EPHA1: variants seen among roughly 807,000 people sequenced by gnomAD.
EPHA1 encodes EPH receptor A1.
A neutral mutation model predicts 110.1 loss-of-function variants in EPHA1; 92 were observed. That is an observed-to-expected ratio of 0.84 (90% confidence interval 0.71 to 0.99). The LOEUF is 0.99. Ranked by LOEUF, EPHA1 falls within the 50% of genes least tolerant of loss-of-function variation. The pLI, the probability that EPHA1 is intolerant of heterozygous loss-of-function variation, is 0.00. For missense variants in EPHA1, 1,204 were observed against 1,285.4 expected, an observed-to-expected ratio of 0.94 and a Z score of 0.97; for synonymous variants, 500 against 516.1, an observed-to-expected ratio of 0.97 and a Z score of 0.42.
rs369040226 is a variant in EPHA1 at position 143,396,503 on chromosome 7, C to T, written c.1779G>A (p.Lys593=). 6.6e-5 allele frequency: 107 copies of T among 1,613,788 alleles called. No individual in the cohort carries two copies. In the Admixed American group the frequency reaches 1.8e-3, roughly 27 times the overall value. Residue 593 remains lysine (K), a synonymous_variant, in exon 11 of 18, where the codon AAG becomes AAA. Transcript: ENST00000275815. ...GGTCCACATAAGGCTTCAGCCACAGCTTGTCCTCTATGGGCAGAACATGAG... is the reference window on the plus strand; with the variant it reads ...GGTCCACATAAGGCTTCAGCCACAGTTTGTCCTCTATGGGCAGAACATGAG... ...DRATDVDRED[K]LWLKPYVDLQ...
intron 10 of EPHA1, chr7:143,396,724 A>C: frequency 1.8e-6 from 1 of 558,862 alleles, no homozygotes; most frequent in Non-Finnish European, 3.1e-6. Context: ...CTCACTCCAC[A>C]AGGTCCGGGG....
At position 143,400,020 on chromosome 7, in the gene EPHA1, T is replaced by C. The variant is rs1805376601; in HGVS notation, c.466A>G (p.Ile156Val). 2 of 1,612,568 alleles carry C rather than the reference T, an allele frequency of 1.2e-6. No individual in the cohort carries two copies. The highest frequency in any genetic ancestry group is 1.7e-6 in the Non-Finnish European group (2 of 1,179,048). The change falls in exon 4 of 18, where the codon ATT becomes GTT. Residue 156 changes from isoleucine to valine, a missense_variant. Coordinates refer to ENST00000275815, the MANE Select transcript of EPHA1 (RefSeq NM_005232.5). ...ACGGAGCCAGACACAAGGTCTCGAA[T>C]GGTGAAGCTCTGGTCTGCAGCCACC... ...TTVAADQSFTIRDLVSGSVKL... is the reference protein window; with the variant it reads ...TTVAADQSFTVRDLVSGSVKL...
rs774669374 is a variant in EPHA1, at chr7:143,393,694, C to A, written c.2673G>T (p.Arg891=). The A allele has an allele frequency of 1.9e-6, 3 of 1,613,732 alleles. No homozygotes were observed. Among genetic ancestry groups the A allele is most frequent in the Non-Finnish European group, 2.5e-6 (3 of 1,179,922 alleles). The part of the protein sequence containing the change: ...EQLLANPHSL[R]TIANFDPRMT... ...ACCTGGGGTCAAAGTTGGCAATGGT[C>A]CGCAGGGAGTGGGGGTTGGCAAGCA... The change falls in exon 16 of 18, where the codon CGG becomes CGT. Residue 891 remains arginine (R), a synonymous_variant. Transcript: ENST00000275815. This position sits in a 1 kb window ranked among gnomAD's most constrained non-coding sequence, Gnocchi z 5.6.
chr7:143,393,885 A>G lies in EPHA1; in HGVS notation c.2503-21T>C, dbSNP rs1805164395. The G allele has an allele frequency of 6.5e-7, 1 of 1,528,766 alleles. No individual in the cohort carries two copies. The highest frequency in any genetic ancestry group is 1.4e-5 in the African/African-American group (1 of 72,296). 94.7% of individuals were successfully genotyped at this position (1,528,766 alleles called of 1,614,324 possible). A position where few individuals can be genotyped will look rare whatever the true frequency, so the allele number is the denominator to read the frequency against. On this transcript the variant is annotated intron_variant, in intron 15 of 17. Coordinates refer to ENST00000275815, the MANE Select transcript of EPHA1 (RefSeq NM_005232.5). This position sits in a 1 kb window ranked among gnomAD's most constrained non-coding sequence, Gnocchi z 5.6. The stretch of plus-strand genomic sequence containing the variant: ...ATAACCTGCACGGCGGGACAGGAGG[A>G]TGCTCTAGAGTAGCAAGCTAACCTG...
At position 143,391,392 on chromosome 7, in the gene EPHA1, C is replaced by T. The variant is rs1460652372; in HGVS notation, c.*65G>A. 1 of 1,588,478 alleles carries T rather than the reference C, an allele frequency of 6.3e-7. No homozygotes were observed. Among genetic ancestry groups the T allele is most frequent in the East Asian group, 2.3e-5 (1 of 43,834 alleles). ...TGTGGGAAGGGGCGCAGGGAGTGAC[C>T]ATGAGCGACCTTGGCCCCGTCCTTG... On this transcript the variant is annotated 3_prime_UTR_variant, in exon 18 of 18. Transcript: ENST00000275815.
Position 143,393,663 on chromosome 7 carries a change from AT to A in EPHA1, c.2696+7del, listed in dbSNP as rs1805151962. ...CTGGGTTCCCTAGTCCTTCCCCTGC[AT>A]GGTTACCTGGGGTCAAAGTTGGCAA... is the stretch of plus-strand genomic sequence containing the variant. On this transcript the variant is annotated splice_region_variant and intron_variant, in intron 16 of 17. Coordinates refer to ENST00000275815, the MANE Select transcript of EPHA1 (RefSeq NM_005232.5). The surrounding 1 kb of genome is among the most constrained non-coding windows in gnomAD (Gnocchi z 5.6). The A allele has an allele frequency of 6.2e-7, 1 of 1,612,500 alleles. No individual in the cohort carries two copies. The highest frequency in any genetic ancestry group is 1.3e-5 in the African/African-American group (1 of 74,822).
intron 11 of EPHA1, 80 bp downstream of exon 11, chr7:143,396,305 G>T: frequency 6.5e-7 from 1 of 1,533,322 alleles, no homozygotes; most frequent in Non-Finnish European, 8.8e-7. Flanking sequence ...CCAGGGAAGC[G>T]CTGGAAGGAA....
At position 143,398,837 on chromosome 7, in the gene EPHA1, C is replaced by G. The variant is rs763667866; in HGVS notation, c.1100G>C (p.Ser367Thr). Residue 367 changes from serine (S) to threonine (T), a missense_variant, in exon 6 of 18, where the codon AGT (serine) becomes ACT (threonine). Transcript: ENST00000275815. ...GCCCTGACACTGGGAACACCTCACA[C>G]TGTATCTGACATCCTGGCGTCCCCC... Reference protein sequence around the residue: ...DTGGRQDVRYSVRCSQCQGTA... With the variant: ...DTGGRQDVRYTVRCSQCQGTA... The G allele has an allele frequency of 1.1e-5, 17 of 1,613,424 alleles. No individual in the cohort carries two copies. Among genetic ancestry groups the G allele is most frequent in the Non-Finnish European group, 1.4e-5 (17 of 1,179,976 alleles).
chr7:143,397,879 A>G, intron 8 of EPHA1, 41 bp downstream of exon 8: 2 of 1,605,822 alleles, frequency 1.2e-6, no homozygotes, highest in Non-Finnish European at 1.7e-6. Context: ...CAGTGAGGCA[A>G]CAGGTGTATG....
intron 2 of EPHA1, among the ~76,000 whole-genome samples, chr7:143,405,610 G>A (rs1457536392): frequency 2.0e-5 from 3 of 152,190 alleles, no homozygotes; most frequent in Non-Finnish European, 2.9e-5. Context: ...TTAGGGAAGA[G>A]TTATTTGGGT....
At position 143,399,940 on chromosome 7, in the gene EPHA1, G is replaced by A. The variant is rs764796924; in HGVS notation, c.546C>T (p.Tyr182=). 2 of 1,613,894 alleles carry A rather than the reference G, an allele frequency of 1.2e-6. No individual in the cohort carries two copies. Among genetic ancestry groups the A allele is most frequent in the South Asian group, 2.2e-5 (2 of 91,036 alleles). Residue 182 remains tyrosine, a synonymous_variant, in exon 4 of 18, where the codon TAC becomes TAT. Coordinates refer to ENST00000275815, the MANE Select transcript of EPHA1 (RefSeq NM_005232.5). ...AGGCACCCGGGTTGTGGAAAGCGAG[G>A]TAGAGGCCACGGCGGGTCAGGCGGC... ...SLGRLTRRGL[Y]LAFHNPGACV...
In EPHA1 at chr7:143,394,860, T is replaced by A; in HGVS notation, c.2300A>T (p.Asp767Val). ...VNQNLCCKVS[D>V]FGLTRLLDDF... ...ATCCAGGAGGCGAGTCAGGCCAAAG[T>A]CAGACACCTTGCAGCACAGGTTTTG... The change falls in exon 14 of 18, where the codon GAC (aspartate) becomes GTC (valine). Residue 767 changes from aspartate to valine, a missense_variant. By Grantham distance (152) the Asp-to-Val change is radical. Coordinates refer to ENST00000275815, the MANE Select transcript of EPHA1 (RefSeq NM_005232.5). 6.2e-7 allele frequency: 1 copy of A among 1,614,088 alleles called. No individual in the cohort carries two copies. The highest frequency in any genetic ancestry group is 1.3e-5 in the African/African-American group (1 of 75,006).
chr7:143,404,537 A>G (rs944997641), intron 2 of EPHA1, among the ~76,000 whole-genome samples: 2 of 152,140 alleles, frequency 1.3e-5, no homozygotes, highest in African/African-American at 4.8e-5. Context: ...ATATCTTTAT[A>G]TATTTATTTA....
rs753840642 is a variant in EPHA1 at position 143,391,247 on chromosome 7, A to G, written c.*210T>C. 3.5e-5 allele frequency: 21 copies of G among 603,120 alleles called. No individual in the cohort carries two copies. The highest frequency in any genetic ancestry group is 4.5e-4 in the Middle Eastern group (1 of 2,240). The allele number at this position is 603,120 out of a possible 1,614,324, so 37.4% of individuals were successfully genotyped here. A position where few individuals can be genotyped will look rare whatever the true frequency, so the allele number is the denominator to read the frequency against. ...TATATTAACCCCTCAGCTCCCTCCC[A>G]TGATCATCCTTTTACTTCTACCCCC... On this transcript the variant is annotated 3_prime_UTR_variant, in exon 18 of 18. Coordinates refer to ENST00000275815, the MANE Select transcript of EPHA1 (RefSeq NM_005232.5).
At chr7:143,392,025 C>T (rs1419282731) in intron 16 of EPHA1, among the ~76,000 whole-genome samples, 2 of 152,194 alleles carry the variant, frequency 1.3e-5, no homozygotes, top group African/African-American at 2.4e-5. Context: ...TGGGAAGCCC[C>T]AACAGAAGGG....
At chr7:143,407,753 G>A in intron 1 of EPHA1, 75 bp from the exon 2 acceptor site, 1 of 1,379,278 alleles carries the variant, frequency 7.3e-7, no homozygotes, top group Non-Finnish European at 1.0e-6. Context: ...AATCATTCTG[G>A]GGCCTCAGCC....
Position 143,395,371 on chromosome 7 carries a change from C to A in EPHA1, c.2031G>T (p.Met677Ile). ...GAATATGCGGGTGGCTAAACTGGCC[C>A]ATGATAGTTGCCTCTCGAAGGAAGT... is the stretch of plus-strand genomic sequence containing the variant. Reference protein sequence around the residue: ...WWNFLREATIMGQFSHPHILH... With the variant: ...WWNFLREATIIGQFSHPHILH... Residue 677 changes from methionine to isoleucine, a missense_variant, in exon 12 of 18, where the codon ATG becomes ATT. Transcript: ENST00000275815. This position sits in a 1 kb window ranked among gnomAD's most constrained non-coding sequence, Gnocchi z 4.7. The A allele has an allele frequency of 6.2e-7, 1 of 1,614,216 alleles. No homozygotes were observed. The highest frequency in any genetic ancestry group is 8.5e-7 in the Non-Finnish European group (1 of 1,180,050).
At chr7:143,396,351 C>CG (rs767657005) in intron 11 of EPHA1, 34 bp downstream of exon 11, 10 of 1,600,658 alleles carry the variant, frequency 6.2e-6, no homozygotes, top group African/African-American at 4.0e-5. Context: ...CCCCACATGG[C>CG]GGGGGGCCTG....
intron 2 of EPHA1, among the ~76,000 whole-genome samples, chr7:143,405,378 C>T (rs1055834998): frequency 2.0e-5 from 3 of 152,050 alleles, no homozygotes; most frequent in African/African-American, 7.3e-5. Flanking sequence ...ATCACTCAGG[C>T]GCTGCTGGCT....
Sources: allele counts gnomAD v4.1 joint callset (sites outside exome capture counted in the v4.1 genomes callset), GRCh38; gene constraint gnomAD v4.1.1; non-coding constraint Gnocchi (gnomAD v3.1); transcripts MANE v1.5; gene names NCBI Gene and HGNC (gene_info 2026-07-23, HGNC 2026-07-21).